SSH2: variants seen among roughly 807,000 people sequenced by gnomAD.
The protein encoded by SSH2 is slingshot protein phosphatase 2, also known as protein phosphatase Slingshot homolog 2.
A neutral mutation model predicts 135.2 loss-of-function variants in SSH2; 37 were observed. The observed-to-expected ratio is 0.27, with a 90% CI of 0.21 to 0.36. SSH2 has a LOEUF of 0.36. Among genes scored for constraint, SSH2 ranks in the 10% least tolerant of loss-of-function variants. The pLI is 1.00. For synonymous variants in SSH2, 628 were observed against 646.2 expected (o/e 0.97, Z 0.43); for missense variants, 1,408 against 1,765.3 (o/e 0.80, Z 3.63).
chr17:29,751,902 C>A (rs76357005), intron 3 of SSH2, among the ~76,000 whole-genome samples: 2,917 of 151,762 alleles, frequency 0.019, 87 homozygotes, highest in African/African-American at 0.066. Flanking sequence ...GTTTTATCAC[C>A]CACCTGCTGT....
intron 3 of SSH2, among the ~76,000 whole-genome samples, chr17:29,708,206 A>C (rs949648382): frequency 6.6e-6 from 1 of 152,236 alleles, no homozygotes; most frequent in Non-Finnish European, 1.5e-5. Flanking sequence ...TCTTGCCAGA[A>C]TAGTAAAAGA....
chr17:29,699,731 A>G (rs567115427), intron 4 of SSH2, among the ~76,000 whole-genome samples: 3 of 152,298 alleles, frequency 2.0e-5, no homozygotes, highest in South Asian at 4.1e-4. Context: ...ATTTAAACCA[A>G]TAATTTGTCT....
chr17:29,645,732 G>A (rs918982344), intron 14 of SSH2: 2 of 152,034 alleles, frequency 1.3e-5, no homozygotes, highest in African/African-American at 4.8e-5. Context: ...ATCAAAATCT[G>A]GCCCCAAAGA....
At chr17:29,831,369 C>T (rs548821562) in intron 2 of SSH2, among the ~76,000 whole-genome samples, 16 of 152,226 alleles carry the variant, frequency 1.1e-4, no homozygotes, top group Non-Finnish European at 2.2e-4. Flanking sequence ...CTCTTTCTCT[C>T]CTGTATTAAC....
rs1212963854 is a variant in SSH2 at position 29,738,692 on chromosome 17, TA to T, written c.189-35631del. On this transcript the variant is annotated intron_variant, in intron 3 of 15. Transcript: ENST00000540801. ...TCTCAGCCTCCCAAGTAGCTGGGACTACAGGTGCCCGCCACCATGCCCGGCT... is the reference window on the plus strand; with the variant it reads ...TCTCAGCCTCCCAAGTAGCTGGGACTCAGGTGCCCGCCACCATGCCCGGCT... Among the ~76,000 whole-genome samples the T allele has an allele frequency of 7.9e-4, 120 of 152,206 alleles. 1 individual carries two copies. The highest frequency in any genetic ancestry group is 2.2e-4 in the Non-Finnish European group (15 of 68,002).
intron 6 of SSH2, among the ~76,000 whole-genome samples, chr17:29,680,108 T>C (rs1458712495): frequency 6.6e-6 from 1 of 152,182 alleles, no homozygotes; most frequent in Non-Finnish European, 1.5e-5. Context: ...ATGGGTGCTC[T>C]AATATATCTG....
At chr17:29,890,128 T>C (rs571189600) in intron 1 of SSH2, among the ~76,000 whole-genome samples, 10 of 152,188 alleles carry the variant, frequency 6.6e-5, no homozygotes, top group Non-Finnish European at 1.3e-4. Context: ...TACTTCATAT[T>C]CACAAGAATG....
At chr17:29,790,215 C>T (rs973702796) in intron 3 of SSH2, among the ~76,000 whole-genome samples, 1 of 152,220 alleles carries the variant, frequency 6.6e-6, no homozygotes, top group South Asian at 2.1e-4. Flanking sequence ...GAAAGTGAGG[C>T]GAGGCCTTTG....
At chr17:29,668,535 A>G (rs558608057) in intron 9 of SSH2, among the ~76,000 whole-genome samples, 2 of 152,098 alleles carry the variant, frequency 1.3e-5, no homozygotes, top group South Asian at 4.2e-4. Context: ...GTTTGAGACT[A>G]GCCCAGGCAA....
intron 11 of SSH2, among the ~76,000 whole-genome samples, chr17:29,659,547 C>A (rs190556334): frequency 6.6e-6 from 1 of 152,136 alleles, no homozygotes; most frequent in Non-Finnish European, 1.5e-5. Context: ...ATTTTTGAGA[C>A]GAGACTTGCT....
chr17:29,909,972 G>A (rs1042516509), intron 1 of SSH2, among the ~76,000 whole-genome samples: 1 of 152,122 alleles, frequency 6.6e-6, no homozygotes, highest in Non-Finnish European at 1.5e-5. Context: ...TAGAAACGGG[G>A]TCTCACTCTG....
rs146878269 is a variant in SSH2 at position 29,857,730 on chromosome 17, C to G, written c.64-8801G>C. Among the ~76,000 whole-genome samples the G allele has an allele frequency of 3.3e-5, 5 of 152,326 alleles. No homozygotes were observed. The East Asian group carries it at 9.6e-4, about 29-fold the overall frequency. ...CAAACTCCTGGGCTCAAACAATCCT[C>G]CTGCCTTGGCCTCCCAAAGTGTTGG... On this transcript the variant is annotated intron_variant, in intron 1 of 15. Transcript: ENST00000540801.
At chr17:29,798,482 C>T (rs950163359) in intron 2 of SSH2, among the ~76,000 whole-genome samples, 1 of 152,074 alleles carries the variant, frequency 6.6e-6, no homozygotes, top group Admixed American at 6.5e-5. Context: ...TAAAGAATGT[C>T]TCTTTAAAGA....
intron 2 of SSH2, among the ~76,000 whole-genome samples, chr17:29,830,141 G>A (rs1775135099): frequency 6.6e-6 from 1 of 152,078 alleles, no homozygotes; most frequent in East Asian, 1.9e-4. Context: ...ACCTAGCCAA[G>A]ATCAAGATTT....
chr17:29,791,587 T>C (rs538236630), intron 3 of SSH2, among the ~76,000 whole-genome samples: 1 of 152,316 alleles, frequency 6.6e-6, no homozygotes, highest in African/African-American at 2.4e-5. Context: ...CTGAACAATC[T>C]GTAGCAGTCA....
At chr17:29,808,650 A>G (rs186312611) in intron 2 of SSH2, among the ~76,000 whole-genome samples, 16 of 152,280 alleles carry the variant, frequency 1.1e-4, no homozygotes, top group African/African-American at 3.9e-4. Flanking sequence ...TCTGGACCAT[A>G]ATTTCAATCT....
intron 3 of SSH2, among the ~76,000 whole-genome samples, chr17:29,788,372 T>C (rs2042006209): frequency 6.6e-6 from 1 of 152,134 alleles, no homozygotes; most frequent in South Asian, 2.1e-4. Context: ...GCAAGGACAT[T>C]GGTCTTCTAT....
Position 29,626,152 on chromosome 17 carries a change from AG to A in SSH2, c.*4688del, listed in dbSNP as rs1318619372. The A allele has an allele frequency of 6.6e-6, 1 of 152,604 alleles. No individual in the cohort carries two copies. The highest frequency in any genetic ancestry group is 2.4e-5 in the African/African-American group (1 of 41,436). 9.5% of individuals were successfully genotyped at this position (152,604 alleles called of 1,614,324 possible). A position where few individuals can be genotyped will look rare whatever the true frequency, so the allele number is the denominator to read the frequency against. ...GCCTCAAAAATGTCCCAGAGATTCC[AG>A]GGAGCACCTGCTTTAATAAAACATG... On this transcript the variant is annotated 3_prime_UTR_variant, in exon 16 of 16. Coordinates refer to ENST00000540801, the MANE Select transcript of SSH2 (RefSeq NM_001282129.2).
At chr17:29,725,129 C>T (rs181879954) in intron 3 of SSH2, among the ~76,000 whole-genome samples, 4 of 151,102 alleles carry the variant, frequency 2.6e-5, no homozygotes, top group Non-Finnish European at 4.4e-5. Context: ...GGGCAGATCA[C>T]GAGGTTAGGA....
Sources: gnomAD v4.1 joint callset for allele counts (sites outside exome capture counted in the v4.1 genomes callset) on GRCh38, gnomAD v4.1.1 for gene constraint, MANE v1.5 for transcripts, NCBI Gene and HGNC (gene_info 2026-07-23, HGNC 2026-07-21) for gene names.